Variants in HGD observed in about 807,000 individuals in gnomAD.
The protein encoded by HGD is homogentisate oxidase.
HGD carries 61 observed loss-of-function variants against 60.8 expected under a neutral mutation model. The observed-to-expected ratio is 1.00, with a 90% CI of 0.82 to 1.24. HGD has a LOEUF of 1.24. Among genes scored for constraint, HGD ranks in the 50% most tolerant of loss-of-function variants. The probability of loss-of-function intolerance (pLI) is 0.00; values close to 1 mark genes in which losing one functional copy is unlikely to be tolerated. For missense variants in HGD, 542 were observed against 547.1 expected (o/e 0.99, Z 0.09); for synonymous variants, 212 against 187.7 (o/e 1.13, Z -1.06).
In HGD at chr3:120,647,911, T is replaced by C. The variant is rs1211589372; in HGVS notation, c.435A>G (p.Arg145=). 3.7e-6 allele frequency: 6 copies of C among 1,608,576 alleles called. No individual in the cohort carries two copies. The highest frequency in any genetic ancestry group is 5.1e-6 in the Non-Finnish European group (6 of 1,174,980). ...IFLCNTSMEN[R]CFYNSDGDFL... is the part of the protein sequence containing the mutation. Reference sequence around the variant, plus strand: ...AGTCCCCATCTGAATTGTAAAAGCATCTGAAACATATAGAGTAATTCTTGT... The same window carrying C: ...AGTCCCCATCTGAATTGTAAAAGCACCTGAAACATATAGAGTAATTCTTGT... The change falls in exon 7 of 14, where the codon AGA becomes AGG. Residue 145 remains arginine, a splice_region_variant and synonymous_variant. Transcript: ENST00000283871.
intron 12 of HGD, chr3:120,633,567 T>A: frequency 6.9e-7 from 1 of 1,453,758 alleles, no homozygotes. Flanking sequence ...CGAGTTCCAC[T>A]CTCTGACAGG....
At chr3:120,654,206 A>G (rs1941426553) in intron 4 of HGD, among the ~76,000 whole-genome samples, 1 of 152,200 alleles carries the variant, frequency 6.6e-6, no homozygotes. Flanking sequence ...GAAAATCCAG[A>G]AAGAGTCATC....
Position 120,679,837 on chromosome 3 carries a change from C to T in HGD, c.15+2260G>A, listed in dbSNP as rs147684344. Among the ~76,000 whole-genome samples the T allele has an allele frequency of 2.7e-3, 408 of 152,306 alleles. 10 individuals carry two copies. In the East Asian group the frequency reaches 0.071, roughly 26 times the overall value. On this transcript the variant is annotated intron_variant, in intron 1 of 13. Transcript: ENST00000283871. The stretch of plus-strand genomic sequence containing the variant: ...AGAAGAAACAGCCACACTGACACCT[C>T]GACTTTAGCCCAGTGAAACCGATTT...
At position 120,657,715 on chromosome 3, in the gene HGD, T is replaced by C. The variant is rs552076852; in HGVS notation, c.283-5064A>G. Reference sequence around the variant, plus strand: ...AGTTCTTCAGACTGTACAGGAAGCATGATGCTGGCATCTGCTCAGTTTCTG... The same window carrying C: ...AGTTCTTCAGACTGTACAGGAAGCACGATGCTGGCATCTGCTCAGTTTCTG... On this transcript the variant is annotated intron_variant, in intron 4 of 13. Coordinates refer to ENST00000283871, the MANE Select transcript of HGD (RefSeq NM_000187.4). Among the ~76,000 whole-genome samples, 4 of 152,242 alleles carry C rather than the reference T, an allele frequency of 2.6e-5. No homozygotes were observed. In the South Asian group the frequency reaches 8.3e-4, roughly 32 times the overall value.
chr3:120,644,312 A>G lies in HGD; in HGVS notation c.774+7T>C, dbSNP rs1185685774. 1.2e-6 allele frequency: 2 copies of G among 1,612,428 alleles called. No homozygotes were observed. The highest frequency in any genetic ancestry group is 1.7e-6 in the Non-Finnish European group (2 of 1,178,760). On this transcript the variant is annotated splice_region_variant and intron_variant, in intron 10 of 13. Transcript: ENST00000283871. ...TCCTCCCTTGCCTGCCAACCCTTTTACTTTACCTGTTTGGCAGCAAACAGC... is the reference window on the plus strand; with the variant it reads ...TCCTCCCTTGCCTGCCAACCCTTTTGCTTTACCTGTTTGGCAGCAAACAGC...
At chr3:120,679,039 A>G (rs1306936511) in intron 1 of HGD, among the ~76,000 whole-genome samples, 1 of 152,250 alleles carries the variant, frequency 6.6e-6, no homozygotes, top group Non-Finnish European at 1.5e-5. Flanking sequence ...GAATAATTTG[A>G]TCCGACAGAA....
chr3:120,660,058 C>G (rs1034528420), intron 4 of HGD, among the ~76,000 whole-genome samples: 1 of 152,026 alleles, frequency 6.6e-6, no homozygotes, highest in Non-Finnish European at 1.5e-5. Context: ...AAGCGTGTAG[C>G]ACCTCCCTCC....
intron 4 of HGD, among the ~76,000 whole-genome samples, chr3:120,666,017 T>G (rs1249752560): frequency 6.6e-6 from 1 of 152,020 alleles, no homozygotes; most frequent in Non-Finnish European, 1.5e-5. Flanking sequence ...AATAATGAAG[T>G]ATAAAATTGG....
chr3:120,654,037 A>C (rs1292227739), intron 4 of HGD, among the ~76,000 whole-genome samples: 1 of 152,196 alleles, frequency 6.6e-6, no homozygotes, highest in Non-Finnish European at 1.5e-5. Context: ...CCCTAACATC[A>C]GGAAGTGCCA....
intron 3 of HGD, among the ~76,000 whole-genome samples, chr3:120,674,428 T>C (rs935537044): frequency 1.3e-5 from 2 of 152,156 alleles, no homozygotes; most frequent in Non-Finnish European, 2.9e-5. Flanking sequence ...CAGTGGGCCA[T>C]AATATGTGAC....
At chr3:120,658,512 C>T (rs1003395200) in intron 4 of HGD, among the ~76,000 whole-genome samples, 1 of 152,218 alleles carries the variant, frequency 6.6e-6, no homozygotes, top group Non-Finnish European at 1.5e-5. Context: ...GCACCTGCGG[C>T]TGCTCTCATG....
rs3736636 is a variant in HGD, at chr3:120,675,117, G to C, written c.88-128C>G. On this transcript the variant is annotated intron_variant, in intron 2 of 13. Transcript: ENST00000283871. ...CACATGACCATCTGCAACCCGATAT[G>C]TTTCTTGTAACAACTTTTGATGTGA... 3.2e-3 allele frequency: 2,230 copies of C among 691,112 alleles called. 28 individuals are homozygous for C. Among genetic ancestry groups the C allele is most frequent in the East Asian group, 0.016 (582 of 36,564 alleles). 42.8% of individuals were successfully genotyped at this position (691,112 alleles called of 1,614,324 possible).
At position 120,638,438 on chromosome 3, in the gene HGD, G is replaced by C; in HGVS notation, c.1006+17C>G. Reference sequence around the variant, plus strand: ...CTCTTTGGCTTGCAAATGTGGCTTGGTAAAAGAGAGACTTACTATGGTAAT... The same window carrying C: ...CTCTTTGGCTTGCAAATGTGGCTTGCTAAAAGAGAGACTTACTATGGTAAT... On this transcript the variant is annotated intron_variant, in intron 12 of 13. Coordinates refer to ENST00000283871, the MANE Select transcript of HGD (RefSeq NM_000187.4). 1 of 1,613,620 alleles carries C rather than the reference G, an allele frequency of 6.2e-7. No individual in the cohort carries two copies. The highest frequency in any genetic ancestry group is 8.5e-7 in the Non-Finnish European group (1 of 1,179,730).
intron 3 of HGD, among the ~76,000 whole-genome samples, chr3:120,671,611 C>T (rs1364587779): frequency 6.6e-6 from 1 of 152,108 alleles, no homozygotes; most frequent in East Asian, 1.9e-4. Flanking sequence ...TGAGAAATAC[C>T]ATTTGACCCA....
chr3:120,644,609 A>G, intron 9 of HGD, 166 bp from the exon 10 acceptor site: 3 of 1,534,632 alleles, frequency 2.0e-6, no homozygotes, highest in Non-Finnish European at 2.6e-6. Context: ...TTTTAGGAAG[A>G]CCCAAGGAAT....
intron 4 of HGD, among the ~76,000 whole-genome samples, chr3:120,665,192 CT>C (rs1303944242): frequency 2.0e-5 from 3 of 151,928 alleles, no homozygotes; most frequent in African/African-American, 7.3e-5. Flanking sequence ...TGTTTTGAAA[CT>C]TTTTTTTATA....
At chr3:120,646,702 G>A (rs1941176074) in intron 8 of HGD, among the ~76,000 whole-genome samples, 1 of 151,768 alleles carries the variant, frequency 6.6e-6, no homozygotes, top group Non-Finnish European at 1.5e-5. Flanking sequence ...GCCATTAGTG[G>A]GAACAGGGCC....
intron 4 of HGD, among the ~76,000 whole-genome samples, chr3:120,668,888 G>A (rs997745060): frequency 1.3e-5 from 2 of 152,102 alleles, no homozygotes; most frequent in African/African-American, 4.8e-5. Flanking sequence ...CCTAAACTCA[G>A]GGACAAAGGC....
chr3:120,632,839 G>A (rs1249484220), intron 13 of HGD, among the ~76,000 whole-genome samples: 1 of 152,188 alleles, frequency 6.6e-6, no homozygotes, highest in African/African-American at 2.4e-5. Context: ...CCATTTTATA[G>A]ATGGGGAAAA....
Sources: allele counts gnomAD v4.1 joint callset (sites outside exome capture counted in the v4.1 genomes callset), GRCh38; gene constraint gnomAD v4.1.1; transcripts MANE v1.5; gene names NCBI Gene and HGNC (gene_info 2026-07-23, HGNC 2026-07-21).